RNF13: variants seen among roughly 807,000 people sequenced by gnomAD.
The protein encoded by RNF13 is E3 ubiquitin-protein ligase RNF13.
RNF13 carries 19 observed loss-of-function variants against 37.7 expected under a neutral mutation model. The ratio of observed to expected loss-of-function variants is 0.50; its 90% CI spans 0.35 to 0.74. The LOEUF (loss-of-function observed/expected upper bound fraction) is 0.74, where lower values mean the gene tolerates loss of function less well. RNF13 is among the 30% of genes least tolerant of loss of function. The pLI is 0.01. For missense variants in RNF13, 375 were observed against 453.0 expected (o/e 0.83, Z 1.56); for synonymous variants, 144 against 157.8 (o/e 0.91, Z 0.65).
At chr3:149,903,973 A>G (rs140862724) in intron 6 of RNF13, among the ~76,000 whole-genome samples, 138 of 114,600 alleles carry the variant, frequency 1.2e-3, no homozygotes, top group South Asian at 4.2e-3. Context: ...CTGTCTGTCT[A>G]TCTATCTACC....
chr3:149,900,333 T>G (rs1715688525), intron 5 of RNF13, among the ~76,000 whole-genome samples: 3 of 152,100 alleles, frequency 2.0e-5, no homozygotes, highest in Non-Finnish European at 2.9e-5. Context: ...AGCTTTAAAC[T>G]CATATGTGGT....
At chr3:149,950,197 A>G (rs543010645) in intron 8 of RNF13, among the ~76,000 whole-genome samples, 1 of 152,254 alleles carries the variant, frequency 6.6e-6, no homozygotes, top group African/African-American at 2.4e-5. Context: ...CATGTTGCCT[A>G]ATTTTTCCAC....
At chr3:149,937,630 CT>C (rs1173333844) in intron 8 of RNF13, among the ~76,000 whole-genome samples, 1 of 152,048 alleles carries the variant, frequency 6.6e-6, no homozygotes, top group African/African-American at 2.4e-5. Context: ...TTTATTTTCA[CT>C]TAGCTCAAAA....
chr3:149,818,588 G>A (rs1719701244), intron 1 of RNF13, among the ~76,000 whole-genome samples: 1 of 152,120 alleles, frequency 6.6e-6, no homozygotes, highest in African/African-American at 2.4e-5. Flanking sequence ...ATGTATTAAG[G>A]ACCCATATAC....
intron 8 of RNF13, among the ~76,000 whole-genome samples, chr3:149,939,980 T>C (rs555798492): frequency 6.6e-6 from 1 of 152,332 alleles, no homozygotes; most frequent in Admixed American, 6.5e-5. Flanking sequence ...TGACAATCTT[T>C]TGATTAGCAT....
chr3:149,881,535 T>C (rs1713401943), intron 4 of RNF13, among the ~76,000 whole-genome samples: 1 of 152,086 alleles, frequency 6.6e-6, no homozygotes, highest in East Asian at 1.9e-4. Context: ...TTCACCACGT[T>C]GTCCAGGCTG....
intron 1 of RNF13, among the ~76,000 whole-genome samples, chr3:149,837,895 C>T (rs539324048): frequency 1.3e-5 from 2 of 152,192 alleles, no homozygotes; most frequent in African/African-American, 4.8e-5. Flanking sequence ...TCATCTGAGA[C>T]AAGGCAAGTT....
intron 6 of RNF13, among the ~76,000 whole-genome samples, chr3:149,909,734 C>T (rs886447511): frequency 6.6e-6 from 1 of 151,972 alleles, no homozygotes; most frequent in Non-Finnish European, 1.5e-5. Context: ...CATAATGCTT[C>T]CTGGGAAATT....
Position 149,885,979 on chromosome 3 carries a change from T to TGCC in RNF13, c.322-9493_322-9492insCCG, listed in dbSNP as rs1462942713. Among the ~76,000 whole-genome samples the TGCC allele has an allele frequency of 2.0e-5, 3 of 152,254 alleles. No individual in the cohort carries two copies. In the East Asian group the frequency reaches 5.8e-4, roughly 29 times the overall value. ...CTCCAGTTTTCTCAGCGCCATTCAT[T>TGCC]GAAGAGACTGTCTTTTCCCCAGTGT... On this transcript the variant is annotated intron_variant, in intron 4 of 9. Transcript: ENST00000392894.
chr3:149,831,921 C>T (rs1392801677), intron 1 of RNF13, among the ~76,000 whole-genome samples: 2 of 151,808 alleles, frequency 1.3e-5, no homozygotes, highest in East Asian at 1.9e-4. Flanking sequence ...TTTATAGTGC[C>T]ATATATATGT....
chr3:149,852,872 G>A (rs1374580552), intron 3 of RNF13, among the ~76,000 whole-genome samples: 1 of 151,532 alleles, frequency 6.6e-6, no homozygotes, highest in African/African-American at 2.4e-5. Flanking sequence ...GTTTGTAGAT[G>A]TATGTATGTG....
intron 4 of RNF13, among the ~76,000 whole-genome samples, chr3:149,883,898 G>A (rs1713709381): frequency 1.3e-5 from 2 of 152,070 alleles, no homozygotes; most frequent in Admixed American, 1.3e-4. Context: ...TCTCCACCCT[G>A]TGTCCATGTG....
At chr3:149,879,743 A>T (rs190722727) in intron 4 of RNF13, among the ~76,000 whole-genome samples, 1 of 152,220 alleles carries the variant, frequency 6.6e-6, no homozygotes, top group African/African-American at 2.4e-5. Context: ...GATGTTAAGT[A>T]TACCATAAAG....
intron 6 of RNF13, among the ~76,000 whole-genome samples, chr3:149,903,243 G>A (rs1014477612): frequency 1.3e-5 from 2 of 151,910 alleles, no homozygotes; most frequent in Non-Finnish European, 2.9e-5. Context: ...TTTGTCAGCC[G>A]TGTTTGCTTG....
chr3:149,922,469 T>C (rs1718240887), intron 8 of RNF13, among the ~76,000 whole-genome samples: 1 of 152,188 alleles, frequency 6.6e-6, no homozygotes. Context: ...TTAAAAACAA[T>C]AATTAAACTA....
chr3:149,881,475 C>T (rs551132508), intron 4 of RNF13, among the ~76,000 whole-genome samples: 1 of 152,148 alleles, frequency 6.6e-6, no homozygotes, highest in East Asian at 1.9e-4. Context: ...ATATTACAGG[C>T]ACCCACCACC....
intron 4 of RNF13, among the ~76,000 whole-genome samples, chr3:149,880,737 T>G (rs1215218873): frequency 6.6e-6 from 1 of 152,216 alleles, no homozygotes; most frequent in African/African-American, 2.4e-5. Context: ...AATAGCCACA[T>G]TCAAAGACCT....
intron 1 of RNF13, among the ~76,000 whole-genome samples, chr3:149,818,994 C>A (rs1020321768): frequency 2.0e-5 from 3 of 152,198 alleles, no homozygotes; most frequent in African/African-American, 7.2e-5. Context: ...TATATTGTAG[C>A]TGAAAGCATC....
At chr3:149,836,765 A>G (rs2108352777) in intron 1 of RNF13, among the ~76,000 whole-genome samples, 1 of 152,324 alleles carries the variant, frequency 6.6e-6, no homozygotes, top group South Asian at 2.1e-4. Flanking sequence ...CAATTGAGAG[A>G]TGAATGGATC....
Sources: gnomAD v4.1 joint callset for allele counts (sites outside exome capture counted in the v4.1 genomes callset) on GRCh38, gnomAD v4.1.1 for gene constraint, MANE v1.5 for transcripts, NCBI Gene and HGNC (gene_info 2026-07-23, HGNC 2026-07-21) for gene names.